Variants in RSF1 observed in about 807,000 individuals in gnomAD.
RSF1 encodes the protein remodeling and spacing factor 1, also known as HBV pX-associated protein 8.
A neutral mutation model predicts 145.2 loss-of-function variants in RSF1; 13 were observed. The observed-to-expected ratio is 0.09, with a 90% CI of 0.06 to 0.14. The LOEUF is 0.14. Ranked by LOEUF, RSF1 falls within the 10% of genes least tolerant of loss-of-function variation. The pLI is 1.00. For synonymous variants in RSF1, 577 were observed against 592.6 expected, an observed-to-expected ratio of 0.97 and a Z score of 0.38; for missense variants, 1,517 against 1,718.2, an observed-to-expected ratio of 0.88 and a Z score of 2.07.
the RSF1 span, among the ~76,000 whole-genome samples, chr11:77,837,379 G>A: frequency 1.7e-4 from 26 of 149,358 alleles, no homozygotes; most frequent in Admixed American, 1.3e-3. Context: ...CTCGTGATCC[G>A]CCTGCCTCGG....
intron 15 of RSF1, 81 bp downstream of exon 15, chr11:77,671,961 C>G: frequency 1.6e-6 from 2 of 1,284,740 alleles, no homozygotes; most frequent in Non-Finnish European, 2.1e-6. Flanking sequence ...AAGAATGGTA[C>G]AGAATCACAA....
At chr11:77,710,083 A>C (rs989604839) in intron 5 of RSF1, among the ~76,000 whole-genome samples, 5 of 152,190 alleles carry the variant, frequency 3.3e-5, no homozygotes, top group African/African-American at 9.7e-5. Context: ...AGCTACCCCA[A>C]GAGAGCTATA....
At chr11:77,834,336 T>C in the RSF1 span, among the ~76,000 whole-genome samples, 1 of 151,834 alleles carries the variant, frequency 6.6e-6, no homozygotes. Flanking sequence ...AAACACATAA[T>C]GAAGATCAGA....
intron 11 of RSF1, among the ~76,000 whole-genome samples, chr11:77,680,150 A>G (rs978043717): frequency 2.8e-4 from 43 of 152,270 alleles, no homozygotes; most frequent in African/African-American, 9.9e-4. Flanking sequence ...AACAGCATCA[A>G]AACTAAAAGC....
chr11:77,842,013 G>A, the RSF1 span, among the ~76,000 whole-genome samples: 1 of 152,158 alleles, frequency 6.6e-6, no homozygotes, highest in Non-Finnish European at 1.5e-5. Flanking sequence ...GTTGTTCCAG[G>A]CAAGAACAAC....
intron 7 of RSF1, among the ~76,000 whole-genome samples, chr11:77,695,089 C>T (rs1960249546): frequency 6.6e-6 from 1 of 152,168 alleles, no homozygotes; most frequent in South Asian, 2.1e-4. Context: ...AGGTCACCTT[C>T]CGTACTCTAT....
intron 2 of RSF1, among the ~76,000 whole-genome samples, chr11:77,751,116 G>A (rs1433688200): frequency 1.3e-5 from 2 of 152,132 alleles, no homozygotes; most frequent in Non-Finnish European, 2.9e-5. Flanking sequence ...GAAAGGAAGG[G>A]AGCTTTTTTA....
At chr11:77,813,813 G>A (rs1298290444) in intron 1 of RSF1, 2 of 208,194 alleles carry the variant, frequency 9.6e-6, no homozygotes, top group Non-Finnish European at 1.8e-5. Flanking sequence ...TTTATAATTT[G>A]TAAAAGGACA....
chr11:77,835,161 A>G, the RSF1 span, among the ~76,000 whole-genome samples: 5 of 152,204 alleles, frequency 3.3e-5, no homozygotes, highest in African/African-American at 1.2e-4. Context: ...ACTGTATTCT[A>G]GCAAATAACA....
chr11:77,856,579 G>A, the RSF1 span, among the ~76,000 whole-genome samples: 2 of 152,114 alleles, frequency 1.3e-5, no homozygotes, highest in Non-Finnish European at 2.9e-5. Flanking sequence ...ATTGGCTCAC[G>A]GTTCCACAGG....
rs1166779707 is a variant in RSF1 at position 77,664,119 on chromosome 11, G to C, written c.*2798C>G. ...TTTCTAAAATTTTTTAACTTCTTCAGAATACCTTCAGAGTGTATTTCAGTG... is the reference window on the plus strand; with the variant it reads ...TTTCTAAAATTTTTTAACTTCTTCACAATACCTTCAGAGTGTATTTCAGTG... On this transcript the variant is annotated 3_prime_UTR_variant, in exon 16 of 16. Coordinates refer to ENST00000308488, the MANE Select transcript of RSF1 (RefSeq NM_016578.4). 2.0e-5 allele frequency: 3 copies of C among 152,098 alleles called. No individual in the cohort carries two copies. Among genetic ancestry groups the C allele is most frequent in the Non-Finnish European group, 4.4e-5 (3 of 68,026 alleles). 9.4% of individuals were successfully genotyped at this position (152,098 alleles called of 1,614,324 possible). A position where few individuals can be genotyped will look rare whatever the true frequency, so the allele number is the denominator to read the frequency against.
chr11:77,775,204 C>T (rs151308390), intron 1 of RSF1, among the ~76,000 whole-genome samples: 2,007 of 150,960 alleles, frequency 0.013, 21 homozygotes, highest in Middle Eastern at 0.044. Flanking sequence ...GCCAAGATTG[C>T]ACCTTTGCAT....
intron 1 of RSF1, 31 bp from the exon 2 acceptor site, chr11:77,764,720 C>A: frequency 2.4e-6 from 3 of 1,256,502 alleles, no homozygotes; most frequent in Non-Finnish European, 3.4e-6. Flanking sequence ...TATCATTAGC[C>A]AACAAAATAA....
intron 2 of RSF1, among the ~76,000 whole-genome samples, chr11:77,758,885 C>T (rs551089855): frequency 1.3e-5 from 2 of 152,246 alleles, no homozygotes; most frequent in South Asian, 4.1e-4. Flanking sequence ...TAACTTCTTC[C>T]ATTCTGTAGG....
At chr11:77,752,425 T>C in intron 2 of RSF1, among the ~76,000 whole-genome samples, 1 of 152,226 alleles carries the variant, frequency 6.6e-6, no homozygotes, top group Non-Finnish European at 1.5e-5. Flanking sequence ...AATTCGCTCC[T>C]ATGCGAACGG....
chr11:77,782,931 G>C (rs1192354882), intron 1 of RSF1, among the ~76,000 whole-genome samples: 1 of 152,152 alleles, frequency 6.6e-6, no homozygotes, highest in East Asian at 1.9e-4. Flanking sequence ...TGATATAACT[G>C]AGTTAAAATC....
At position 77,663,743 on chromosome 11, in the gene RSF1, T is replaced by C. The variant is rs1343454017; in HGVS notation, c.*3174A>G. Reference sequence around the variant, plus strand: ...GTACAAAACCAAAACGTTTTCAGTCTGCGTCCTTTTCACACATATTTCAGT... The same window carrying C: ...GTACAAAACCAAAACGTTTTCAGTCCGCGTCCTTTTCACACATATTTCAGT... On this transcript the variant is annotated 3_prime_UTR_variant, in exon 16 of 16. Transcript: ENST00000308488. 1 of 152,228 alleles carries C rather than the reference T, an allele frequency of 6.6e-6. No homozygotes were observed. Among genetic ancestry groups the C allele is most frequent in the African/African-American group, 2.4e-5 (1 of 41,468 alleles). The allele number at this position is 152,228 out of a possible 1,614,324, so 9.4% of individuals were successfully genotyped here.
chr11:77,672,226 A>G lies in RSF1; in HGVS notation c.3567T>C (p.Ser1189=). 6.3e-7 allele frequency: 1 copy of G among 1,583,890 alleles called. No homozygotes were observed. The highest frequency in any genetic ancestry group is 8.5e-7 in the Non-Finnish European group (1 of 1,170,162). The change falls in exon 15 of 16, where the codon AGT becomes AGC. Residue 1189 remains serine, a synonymous_variant. Coordinates refer to ENST00000308488, the MANE Select transcript of RSF1 (RefSeq NM_016578.4). ...CATCACTAAAATCATCACTGAAGTC[A>G]CTTTCTATTTTAAAAAAAGGAAGAA... is the stretch of plus-strand genomic sequence containing the variant. ...ESEENSRDSE[S]DFSDDFSDDF...
chr11:77,774,441 G>A (rs912174787), intron 1 of RSF1, among the ~76,000 whole-genome samples: 3 of 151,626 alleles, frequency 2.0e-5, no homozygotes, highest in Non-Finnish European at 4.4e-5. Context: ...GCATGGTGGT[G>A]TGCACCTGTA....
Sources: gnomAD v4.1 joint callset for allele counts (sites outside exome capture counted in the v4.1 genomes callset) on GRCh38, gnomAD v4.1.1 for gene constraint, MANE v1.5 for transcripts, NCBI Gene and HGNC (gene_info 2026-07-23, HGNC 2026-07-21) for gene names.